ATXN3: variants seen among roughly 807,000 people sequenced by gnomAD.
ATXN3 encodes the protein ataxin-3.
In ATXN3, 28 loss-of-function variants were observed where a neutral mutation model predicts 58.2. The observed-to-expected ratio is 0.48, with a 90% confidence interval of 0.36 to 0.66. The LOEUF (loss-of-function observed/expected upper bound fraction) is 0.66. ATXN3 is among the 30% of genes least tolerant of loss of function. ATXN3 has a pLI of 0.00. For synonymous variants in ATXN3, 113 were observed against 138.5 expected (o/e 0.82, Z 1.29); for missense variants, 321 against 422.1 (o/e 0.76, Z 2.10).
chr14:92,095,911 C>T (rs1298471962), intron 3 of ATXN3, among the ~76,000 whole-genome samples, 182 bp downstream of exon 3: 1 of 151,772 alleles, frequency 6.6e-6, no homozygotes, highest in African/African-American at 2.4e-5. Context: ...CACTGCACTC[C>T]AGCCTAGGTG....
intron 7 of ATXN3, among the ~76,000 whole-genome samples, 168 bp from the exon 8 acceptor site, chr14:92,082,634 T>C (rs2140768545): frequency 6.7e-6 from 1 of 149,846 alleles, no homozygotes; most frequent in East Asian, 2.0e-4. Flanking sequence ...CCAACTAAGT[T>C]TTTTTTTTCC....
Position 92,070,928 on chromosome 14 carries a change from G to A in ATXN3, c.991+7C>T, listed in dbSNP as rs772910074. The A allele has an allele frequency of 1.2e-6, 2 of 1,613,446 alleles. No individual in the cohort carries two copies. Among genetic ancestry groups the A allele is most frequent in the South Asian group, 1.1e-5 (1 of 91,058 alleles). On this transcript the variant is annotated splice_region_variant and intron_variant, in intron 10 of 10. Coordinates refer to ENST00000644486, the MANE Select transcript of ATXN3 (RefSeq NM_004993.6). ...AGCGAACATGATGAATGGTGAGCAG[G>A]CCTTACCTAGATCACTCCCAAGTGC... is the stretch of plus-strand genomic sequence containing the variant.
At chr14:92,096,218 A>G in intron 2 of ATXN3, 81 bp from the exon 3 acceptor site, 1 of 1,612,178 alleles carries the variant, frequency 6.2e-7, no homozygotes, top group South Asian at 1.1e-5. Flanking sequence ...TGCATATTTA[A>G]AACAATATCT....
chr14:92,093,131 A>C (rs2064265686), intron 5 of ATXN3, 121 bp downstream of exon 5: 1 of 544,750 alleles, frequency 1.8e-6, no homozygotes, highest in African/African-American at 2.0e-5. Flanking sequence ...CCTGGCTTCA[A>C]GTGATCCCCC....
chr14:92,078,489 G>C (rs1244423401), intron 9 of ATXN3, among the ~76,000 whole-genome samples: 3 of 151,942 alleles, frequency 2.0e-5, no homozygotes, highest in Non-Finnish European at 4.4e-5. Flanking sequence ...AGCCTCTCAA[G>C]TAGCTGGGAT....
At chr14:92,103,754 A>G (rs1222301038) in intron 1 of ATXN3, among the ~76,000 whole-genome samples, 1 of 152,226 alleles carries the variant, frequency 6.6e-6, no homozygotes, top group African/African-American at 2.4e-5. Flanking sequence ...CAAAGTGACT[A>G]CTCAGAAAGA....
At chr14:92,057,065 C>T (rs1449227077), downstream of ATXN3, among the ~76,000 whole-genome samples, 2 of 152,152 alleles carry the variant, frequency 1.3e-5, no homozygotes, top group African/African-American at 4.8e-5. Flanking sequence ...ATGGCAATGC[C>T]GGGAAGTTAC....
In ATXN3 at chr14:92,083,133, C is replaced by T; in HGVS notation, c.601G>A (p.Glu201Lys). 1 of 1,609,596 alleles carries T rather than the reference C, an allele frequency of 6.2e-7. No homozygotes were observed. Among genetic ancestry groups the T allele is most frequent in the Non-Finnish European group, 8.5e-7 (1 of 1,178,920 alleles). ...LIGEELAQLK[E>K]QRVHKTDLER... ...TGCAGGCCTCATTTTTACCTTTGCT[C>T]TTTTAGTTGTGCTAATTCTTCTCCA... is the stretch of plus-strand genomic sequence containing the variant. The change falls in exon 7 of 11, where the codon GAG (glutamate) becomes AAG (lysine). Residue 201 changes from glutamate (E) to lysine (K), a missense_variant. This residue lies in a region of ATXN3 where 200 missense variants were observed against 223.2 expected (regional missense o/e 0.90). Transcript: ENST00000644486.
chr14:92,100,265 A>G (rs2066467960), intron 1 of ATXN3, among the ~76,000 whole-genome samples: 1 of 152,228 alleles, frequency 6.6e-6, no homozygotes. Context: ...TTCCATTACT[A>G]GGTACATAAT....
At chr14:92,081,474 AAAAAAAAAAAAAG>A (rs2061462436) in intron 8 of ATXN3, among the ~76,000 whole-genome samples, 1 of 78,552 alleles carries the variant, frequency 1.3e-5, no homozygotes, top group Non-Finnish European at 2.5e-5. Flanking sequence ...TCAAAAAAAA[AAAAAAAAAAAAAG>A]AAAGAAAAAA....
At chr14:92,064,518 CT>C in intron 10 of ATXN3, 104 bp from the exon 11 acceptor site, 4 of 866,648 alleles carry the variant, frequency 4.6e-6, no homozygotes, top group Admixed American at 2.4e-5. Flanking sequence ...GCACGAGTTT[CT>C]TTTTTTGATT....
upstream of ATXN3, among the ~76,000 whole-genome samples, chr14:92,052,216 C>T (rs910197290): frequency 1.4e-4 from 21 of 151,742 alleles, no homozygotes; most frequent in African/African-American, 3.1e-4. Flanking sequence ...CATCTCTCGC[C>T]GGGTGCGGTG....
chr14:92,056,505 G>A (rs773967175), downstream of ATXN3, among the ~76,000 whole-genome samples: 1 of 152,066 alleles, frequency 6.6e-6, no homozygotes, highest in Non-Finnish European at 1.5e-5. Flanking sequence ...AAATACACTA[G>A]TCACAAAAAA....
At position 92,059,187 on chromosome 14, in the gene ATXN3, A is replaced by T. The variant is rs2057573808; in HGVS notation, c.*5133T>A. On this transcript the variant is annotated 3_prime_UTR_variant, in exon 11 of 11. Transcript: ENST00000644486. Reference sequence around the variant, plus strand: ...CTTAAAATGCCAGACCACTTGGAAAAAATAATAATAGCAAAGATTTTCTTC... The same window carrying T: ...CTTAAAATGCCAGACCACTTGGAAATAATAATAATAGCAAAGATTTTCTTC... 1 of 152,208 alleles carries T rather than the reference A, an allele frequency of 6.6e-6. No homozygotes were observed. The allele number at this position is 152,208 out of a possible 1,614,324, so 9.4% of individuals were successfully genotyped here.
chr14:92,072,868 T>C (rs1040447984), intron 9 of ATXN3, among the ~76,000 whole-genome samples: 2 of 152,208 alleles, frequency 1.3e-5, no homozygotes, highest in Admixed American at 6.5e-5. Flanking sequence ...TTTTGTGTTT[T>C]AAAACTGTGA....
chr14:92,084,022 G>A (rs1196626517), intron 6 of ATXN3, among the ~76,000 whole-genome samples: 1 of 152,080 alleles, frequency 6.6e-6, no homozygotes, highest in Non-Finnish European at 1.5e-5. Flanking sequence ...GTTTGCCAGG[G>A]GCTCTCAGGC....
rs184656238 is a variant in ATXN3 at position 92,088,624 on chromosome 14, T to C, written c.475+106A>G. The C allele has an allele frequency of 3.0e-5, 24 of 807,246 alleles. No homozygotes were observed. In the African/African-American group the frequency reaches 4.1e-4, roughly 14 times the overall value. 50.0% of individuals were successfully genotyped at this position (807,246 alleles called of 1,614,324 possible). On this transcript the variant is annotated intron_variant, in intron 6 of 10. Transcript: ENST00000644486. ...CACCACGTCAAAACTAAAGATTGTT[T>C]CACTGCCACTGCCAGAAAAACAGTT...
At chr14:92,084,427 T>C (rs992801308) in intron 6 of ATXN3, among the ~76,000 whole-genome samples, 1 of 152,148 alleles carries the variant, frequency 6.6e-6, no homozygotes, top group Admixed American at 6.6e-5. Context: ...GTGGTTTGCA[T>C]CCCAAAAGAA....
chr14:92,103,468 C>T lies in ATXN3; in HGVS notation c.24+3061G>A, dbSNP rs1368718631. On this transcript the variant is annotated intron_variant, in intron 1 of 10. Coordinates refer to ENST00000644486, the MANE Select transcript of ATXN3 (RefSeq NM_004993.6). ...TTTTTTCTTTTGAGACAGGATCTTG[C>T]TCTGTCCCCTAGGCTGGAGTGCAGT... Among the ~76,000 whole-genome samples, 6 of 152,128 alleles carry T rather than the reference C, an allele frequency of 3.9e-5. No individual in the cohort carries two copies. The East Asian group carries it at 1.2e-3, about 29-fold the overall frequency.
Sources: gnomAD v4.1 joint callset for allele counts (sites outside exome capture counted in the v4.1 genomes callset) on GRCh38, gnomAD v4.1.1 for gene constraint, gnomAD v4.1.1 regional missense constraint, MANE v1.5 for transcripts, NCBI Gene and HGNC (gene_info 2026-07-23, HGNC 2026-07-21) for gene names.